The following LRRFIP2 variants were observed in gnomAD, a reference collection of about 807,000 sequenced individuals.
The protein encoded by LRRFIP2 is LRR binding FLII interacting protein 2, also known as leucine-rich repeat flightless-interacting protein 2.
LRRFIP2 carries 109 observed loss-of-function variants against 125.9 expected under a neutral mutation model. That is an observed-to-expected ratio of 0.87 (90% CI 0.74 to 1.01). The LOEUF is 1.01. LRRFIP2 is among the 50% of genes least tolerant of loss of function. The probability of loss-of-function intolerance (pLI) is 0.00; values close to 1 mark genes in which losing one functional copy is unlikely to be tolerated. For synonymous variants in LRRFIP2, 291 were observed against 293.1 expected (o/e 0.99, Z 0.07); for missense variants, 850 against 862.3 (o/e 0.99, Z 0.18).
At chr3:37,173,136 T>G (rs2096608440) in intron 1 of LRRFIP2, 1 of 152,084 alleles carries the variant, frequency 6.6e-6, no homozygotes, top group Non-Finnish European at 1.5e-5. Context: ...AGGCGGAGCT[T>G]GCAGTGAGCC....
chr3:37,126,412 C>A (rs2095275067), intron 4 of LRRFIP2, among the ~76,000 whole-genome samples: 1 of 152,064 alleles, frequency 6.6e-6, no homozygotes. Context: ...AAAGAAATGC[C>A]ACTTTCTCTG....
intron 21 of LRRFIP2, among the ~76,000 whole-genome samples, chr3:37,070,240 A>G (rs2090933576): frequency 6.6e-6 from 1 of 151,700 alleles, no homozygotes; most frequent in Non-Finnish European, 1.5e-5. Context: ...CAGCCTCCCA[A>G]GTAGCTGGGA....
chr3:37,157,003 C>T (rs1244476307), intron 1 of LRRFIP2, among the ~76,000 whole-genome samples: 4 of 151,928 alleles, frequency 2.6e-5, no homozygotes, highest in Non-Finnish European at 1.5e-5. Flanking sequence ...GTGGCACATG[C>T]CTGTAATCCC....
intron 1 of LRRFIP2, 89 bp from the exon 2 acceptor site, chr3:37,149,127 G>T: frequency 9.6e-7 from 1 of 1,038,872 alleles, no homozygotes; most frequent in Non-Finnish European, 1.3e-6. Context: ...AGAGAAATTA[G>T]TCACCAAATA....
At chr3:37,054,151 A>G (rs760747850) in intron 27 of LRRFIP2, among the ~76,000 whole-genome samples, 190 bp from the exon 28 acceptor site, 69 of 152,348 alleles carry the variant, frequency 4.5e-4, no homozygotes, top group Non-Finnish European at 5.3e-4. Flanking sequence ...TGTTTTAATC[A>G]CAGAAAGGAT....
At chr3:37,173,967 A>ATTTCCAAAAGGGAT (rs1263179995) in intron 1 of LRRFIP2, among the ~76,000 whole-genome samples, 1 of 152,226 alleles carries the variant, frequency 6.6e-6, no homozygotes, top group East Asian at 1.9e-4. Flanking sequence ...AGTTACGGTG[A>ATTTCCAAAAGGGAT]TTTCCAAAAG....
chr3:37,054,827 T>C (rs1449952149), intron 26 of LRRFIP2, among the ~76,000 whole-genome samples: 1 of 152,224 alleles, frequency 6.6e-6, no homozygotes, highest in Non-Finnish European at 1.5e-5. Flanking sequence ...CTTTTTGGAA[T>C]GCGTAAGGGA....
rs77686645 is a variant in LRRFIP2, at chr3:37,143,817, C to T, written c.90+5077G>A. 2.9e-4 allele frequency: 47 copies of T among 160,894 alleles called. No homozygotes were observed. In the East Asian group the frequency reaches 4.2e-3, roughly 14 times the overall value. The allele number at this position is 160,894 out of a possible 1,614,324, so 10.0% of individuals were successfully genotyped here. A position where few individuals can be genotyped will look rare whatever the true frequency, so the allele number is the denominator to read the frequency against. ...AGTCCAGTTTCGAGCTGAAATTTTC[C>T]ACCCTAGTAGTAACCCTCGTCTGGG... On this transcript the variant is annotated intron_variant, in intron 2 of 27. Coordinates refer to ENST00000336686, the MANE Select transcript of LRRFIP2 (RefSeq NM_006309.4).
At chr3:37,173,381 G>T (rs1186849956) in intron 1 of LRRFIP2, among the ~76,000 whole-genome samples, 1 of 152,022 alleles carries the variant, frequency 6.6e-6, no homozygotes, top group Admixed American at 6.6e-5. Flanking sequence ...GTAGAGACAG[G>T]GTCTCACTAT....
At chr3:37,156,661 G>A (rs1449503979) in intron 1 of LRRFIP2, among the ~76,000 whole-genome samples, 3 of 103,728 alleles carry the variant, frequency 2.9e-5, no homozygotes, top group East Asian at 6.7e-4. Flanking sequence ...GCGACAGAGC[G>A]AGACTCAGTA....
At chr3:37,065,692 A>T in intron 23 of LRRFIP2, 118 bp downstream of exon 23, 1 of 1,248,780 alleles carries the variant, frequency 8.0e-7, no homozygotes, top group Non-Finnish European at 1.2e-6. Flanking sequence ...CTTCTAGTTA[A>T]GGATCTACTT....
chr3:37,095,205 C>A (rs570231567), intron 16 of LRRFIP2, among the ~76,000 whole-genome samples: 3 of 152,194 alleles, frequency 2.0e-5, no homozygotes, highest in Admixed American at 6.5e-5. Context: ...TCTTTGCTAT[C>A]CTGTAAACAA....
intron 1 of LRRFIP2, among the ~76,000 whole-genome samples, chr3:37,169,705 T>C (rs963684655): frequency 1.3e-5 from 2 of 152,154 alleles, no homozygotes; most frequent in Non-Finnish European, 2.9e-5. Context: ...AACAGTAACA[T>C]AAAAATTAAA....
upstream of LRRFIP2, chr3:37,174,583 C>A (rs2096630912): frequency 1.3e-5 from 2 of 152,024 alleles, no homozygotes; most frequent in Admixed American, 1.3e-4. Flanking sequence ...TACATCTAGA[C>A]CCCTTCATTT....
intron 1 of LRRFIP2, among the ~76,000 whole-genome samples, chr3:37,156,245 C>T (rs1269755995): frequency 6.6e-6 from 1 of 151,814 alleles, no homozygotes; most frequent in Non-Finnish European, 1.5e-5. Flanking sequence ...TCTGCGAGGC[C>T]GAGGCAGGCA....
intron 1 of LRRFIP2, among the ~76,000 whole-genome samples, chr3:37,154,053 T>C (rs897034470): frequency 6.6e-6 from 1 of 150,464 alleles, no homozygotes; most frequent in African/African-American, 2.4e-5. Flanking sequence ...CGAACACCTG[T>C]AGTCCCAGCT....
At position 37,121,411 on chromosome 3, in the gene LRRFIP2, A is replaced by G. The variant is rs940625804; in HGVS notation, c.330+81T>C. The G allele has an allele frequency of 2.3e-6, 3 of 1,297,256 alleles. No individual in the cohort carries two copies. The East Asian group carries it at 7.0e-5, about 30-fold the overall frequency. 80.4% of individuals were successfully genotyped at this position (1,297,256 alleles called of 1,614,324 possible). On this transcript the variant is annotated intron_variant, in intron 6 of 27. Transcript: ENST00000336686. ...TAAAAACGCAAAGAAATACAGGAACATTGTCAGATTGTTTAGGCAACATTA... is the reference window on the plus strand; with the variant it reads ...TAAAAACGCAAAGAAATACAGGAACGTTGTCAGATTGTTTAGGCAACATTA...
At position 37,055,969 on chromosome 3, in the gene LRRFIP2, T is replaced by C. The variant is rs1468229148; in HGVS notation, c.1871-804A>G. 6.6e-5 allele frequency among the ~76,000 whole-genome samples: 10 copies of C among 152,350 alleles called. No individual in the cohort carries two copies. The East Asian group carries it at 1.5e-3, about 24-fold the overall frequency. On this transcript the variant is annotated intron_variant, in intron 25 of 27. Transcript: ENST00000336686. ...ATTTTCACCTCTTTCATGACTCCCC[T>C]TAATTATAAGTCCTTCCCTTGCTGT... is the stretch of plus-strand genomic sequence containing the variant.
At chr3:37,077,768 G>A (rs1037764758) in intron 19 of LRRFIP2, among the ~76,000 whole-genome samples, 1 of 152,144 alleles carries the variant, frequency 6.6e-6, no homozygotes, top group East Asian at 1.9e-4. Context: ...GCCATTGATA[G>A]ATGAATGCAT....
Sources: gnomAD v4.1 joint callset for allele counts (sites outside exome capture counted in the v4.1 genomes callset) on GRCh38, gnomAD v4.1.1 for gene constraint, MANE v1.5 for transcripts, NCBI Gene and HGNC (gene_info 2026-07-23, HGNC 2026-07-21) for gene names.